Variants in CSMD1 observed in about 807,000 individuals in gnomAD.
The protein encoded by CSMD1 is CUB and Sushi multiple domains 1.
In CSMD1, 213 loss-of-function variants were observed where a neutral mutation model predicts 417.5. The ratio of observed to expected loss-of-function variants is 0.51; its 90% CI spans 0.46 to 0.57. CSMD1 has a LOEUF of 0.57. CSMD1 is among the 20% of genes least tolerant of loss of function. The pLI is 0.00. For missense variants in CSMD1, 6,923 were observed against 4,529.7 expected (o/e 1.53, Z -15.17); for synonymous variants, 2,862 against 1,736.8 (o/e 1.65, Z -16.11).
intron 1 of CSMD1, among the ~76,000 whole-genome samples, chr8:4,979,165 A>G (rs1382219708): frequency 2.0e-5 from 3 of 152,188 alleles, no homozygotes; most frequent in African/African-American, 7.2e-5. Flanking sequence ...TTCATGTACA[A>G]GTTCAAATGA....
chr8:4,917,540 A>T (rs1166523723), intron 1 of CSMD1, among the ~76,000 whole-genome samples: 3 of 152,240 alleles, frequency 2.0e-5, no homozygotes, highest in Non-Finnish European at 4.4e-5. Flanking sequence ...AAGCTGAAGC[A>T]GGAGAATCGC....
intron 1 of CSMD1, among the ~76,000 whole-genome samples, chr8:4,700,229 T>A (rs1448974420): frequency 6.6e-6 from 1 of 152,058 alleles, no homozygotes; most frequent in African/African-American, 2.4e-5. Flanking sequence ...AGCAAAGGAA[T>A]CAAAGAAAGA....
chr8:3,287,147 T>C (rs186982011), intron 25 of CSMD1, among the ~76,000 whole-genome samples: 3,311 of 150,754 alleles, frequency 0.022, 134 homozygotes, highest in African/African-American at 0.075. Context: ...TATGCAGCAT[T>C]ATTTCTGAGG....
chr8:3,566,340 C>T (rs77088840), intron 10 of CSMD1, among the ~76,000 whole-genome samples: 15 of 152,202 alleles, frequency 9.9e-5, no homozygotes, highest in African/African-American at 3.1e-4. Flanking sequence ...ATTACATATT[C>T]CTCACAACAA....
intron 49 of CSMD1, among the ~76,000 whole-genome samples, chr8:3,079,667 G>A (rs1813941736): frequency 6.6e-6 from 1 of 152,120 alleles, no homozygotes; most frequent in Non-Finnish European, 1.5e-5. Context: ...TTTGTATAAA[G>A]TAAAAGGACA....
intron 18 of CSMD1, among the ~76,000 whole-genome samples, chr8:3,372,075 A>G (rs1809991025): frequency 6.6e-6 from 1 of 152,236 alleles, no homozygotes; most frequent in Non-Finnish European, 1.5e-5. Flanking sequence ...CAGATGATAT[A>G]CAATATTGGC....
intron 25 of CSMD1, among the ~76,000 whole-genome samples, chr8:3,285,257 T>G (rs557188818): frequency 6.6e-6 from 1 of 152,232 alleles, no homozygotes; most frequent in Non-Finnish European, 1.5e-5. Context: ...AAAACACTTA[T>G]GTCACCCTGT....
chr8:3,265,911 G>A (rs1321246817), intron 26 of CSMD1, among the ~76,000 whole-genome samples: 1 of 151,960 alleles, frequency 6.6e-6, no homozygotes, highest in African/African-American at 2.4e-5. Flanking sequence ...GAGGCCACAA[G>A]CAGGAAATTC....
At chr8:4,545,989 C>T (rs553886660) in intron 2 of CSMD1, among the ~76,000 whole-genome samples, 1 of 152,122 alleles carries the variant, frequency 6.6e-6, no homozygotes, top group Non-Finnish European at 1.5e-5. Flanking sequence ...CTTATGACCC[C>T]CTTCTACTGC....
intron 7 of CSMD1, among the ~76,000 whole-genome samples, chr8:3,673,479 T>C (rs1799193418): frequency 6.6e-6 from 1 of 152,210 alleles, no homozygotes; most frequent in Non-Finnish European, 1.5e-5. Flanking sequence ...AGAATGTGTT[T>C]AACAACCTAC....
intron 3 of CSMD1, among the ~76,000 whole-genome samples, chr8:4,309,220 C>T (rs74862556): frequency 0.63 from 95,874 of 151,560 alleles, 31,271 homozygotes; most frequent in East Asian, 0.86. Context: ...TTTGATATTA[C>T]CGTTAAGTGC....
chr8:4,905,691 G>A (rs113211742), intron 1 of CSMD1, among the ~76,000 whole-genome samples: 7,167 of 151,616 alleles, frequency 0.047, 160 homozygotes, highest in African/African-American at 0.054. Flanking sequence ...GTGGTGGCGG[G>A]CGCCTGTAGT....
At chr8:3,195,428 T>C (rs1487422496) in intron 33 of CSMD1, among the ~76,000 whole-genome samples, 3 of 152,296 alleles carry the variant, frequency 2.0e-5, no homozygotes, top group Admixed American at 2.0e-4. Flanking sequence ...CTAAATGCAA[T>C]GTAATTACTT....
chr8:4,187,815 TCA>T (rs562342749), intron 3 of CSMD1, among the ~76,000 whole-genome samples: 20 of 151,770 alleles, frequency 1.3e-4, no homozygotes, highest in Non-Finnish European at 2.6e-4. Flanking sequence ...TTTTCCAAAA[TCA>T]CAGTTTCAGA....
chr8:4,208,795 T>A (rs1585026014), intron 3 of CSMD1, among the ~76,000 whole-genome samples: 1 of 152,312 alleles, frequency 6.6e-6, no homozygotes, highest in East Asian at 1.9e-4. Context: ...GAAGAACATC[T>A]AGAAAACTGT....
chr8:4,115,800 A>T (rs1427959140), intron 3 of CSMD1, among the ~76,000 whole-genome samples: 1 of 151,950 alleles, frequency 6.6e-6, no homozygotes, highest in African/African-American at 2.4e-5. Flanking sequence ...GTGGAATGTA[A>T]ATCATATTTC....
chr8:3,439,689 T>C (rs1485187960), intron 12 of CSMD1, among the ~76,000 whole-genome samples: 4 of 152,170 alleles, frequency 2.6e-5, no homozygotes, highest in Admixed American at 6.5e-5. Flanking sequence ...ATAATTCCAA[T>C]TGATGAATTA....
At chr8:3,660,480 C>CTTTTTTTTTTTTT in intron 7 of CSMD1, among the ~76,000 whole-genome samples, 1 of 70,400 alleles carries the variant, frequency 1.4e-5, no homozygotes, top group Non-Finnish European at 2.7e-5. Flanking sequence ...GATCAAGTGG[C>CTTTTTTTTTTTTT]TTTTTTTTTT....
chr8:3,640,010 A>G (rs13268385), intron 7 of CSMD1, among the ~76,000 whole-genome samples: 74,550 of 151,696 alleles, frequency 0.49, 18,487 homozygotes, highest in Middle Eastern at 0.64. Context: ...TAGGTGCTCA[A>G]TAAATGTTTG....
Sources: allele counts gnomAD v4.1 joint callset (sites outside exome capture counted in the v4.1 genomes callset), GRCh38; gene constraint gnomAD v4.1.1; transcripts MANE v1.5; gene names NCBI Gene and HGNC (gene_info 2026-07-23, HGNC 2026-07-21).